PTH2R: variants seen among roughly 807,000 people sequenced by gnomAD.
PTH2R encodes PTH2 receptor.
In PTH2R, 59 loss-of-function variants were observed where a neutral mutation model predicts 60.3. That is an observed-to-expected ratio of 0.98 (90% CI 0.79 to 1.22). The LOEUF is 1.22. Among genes scored for constraint, PTH2R ranks in the 50% most tolerant of loss-of-function variants. The pLI is 0.00. For synonymous variants in PTH2R, 256 were observed against 243.8 expected, an observed-to-expected ratio of 1.05 and a Z score of -0.47; for missense variants, 749 against 682.6, an observed-to-expected ratio of 1.10 and a Z score of -1.08.
intron 7 of PTH2R, among the ~76,000 whole-genome samples, chr2:208,448,154 A>C (rs746765347): frequency 1.3e-5 from 2 of 152,330 alleles, no homozygotes; most frequent in African/African-American, 2.4e-5. Context: ...TTTGTAAAAT[A>C]TCTTAATCCA....
At chr2:208,480,271 A>G (rs74494202) in intron 9 of PTH2R, among the ~76,000 whole-genome samples, 2,837 of 152,292 alleles carry the variant, frequency 0.019, 97 homozygotes, top group African/African-American at 0.064. Context: ...ACAAGTGCCT[A>G]CTGTTGGCAA....
chr2:208,483,723 G>T (rs960328424), intron 10 of PTH2R, among the ~76,000 whole-genome samples: 8 of 152,168 alleles, frequency 5.3e-5, no homozygotes, highest in Admixed American at 3.3e-4. Flanking sequence ...ACTAATAGAA[G>T]TCAGAAAAAG....
intron 1 of PTH2R, among the ~76,000 whole-genome samples, chr2:208,362,626 T>G (rs1232288358): frequency 1.3e-5 from 2 of 152,364 alleles, no homozygotes; most frequent in African/African-American, 4.8e-5. Flanking sequence ...GTAATGCCGC[T>G]GTAACCATGG....
chr2:208,479,716 G>A (rs1026717385), intron 9 of PTH2R, among the ~76,000 whole-genome samples: 4 of 152,106 alleles, frequency 2.6e-5, no homozygotes, highest in Non-Finnish European at 5.9e-5. Context: ...CTGAACAGAA[G>A]GTATCAGATG....
At position 208,417,541 on chromosome 2, in the gene PTH2R, C is replaced by CT. The variant is rs56354728; in HGVS notation, c.75+10452dup. On this transcript the variant is annotated intron_variant, in intron 1 of 12. Transcript: ENST00000272847. ...AGAAGTACTGTTCAAAGGTGGGAAT[C>CT]TTTTTTTTTTTTTTTTTTTTTTTTT... Among the ~76,000 whole-genome samples the CT allele has an allele frequency of 5.9e-3, 515 of 87,874 alleles. 45 individuals carry two copies. The highest frequency in any genetic ancestry group is 8.9e-3 in the South Asian group (19 of 2,132). 57.6% of individuals were successfully genotyped at this position (87,874 alleles called of 152,430 possible). A position where few individuals can be genotyped will look rare whatever the true frequency, so the allele number is the denominator to read the frequency against.
At chr2:208,395,196 C>T (rs1482385487) in intron 1 of PTH2R, among the ~76,000 whole-genome samples, 13 of 152,068 alleles carry the variant, frequency 8.5e-5, no homozygotes, top group Middle Eastern at 3.4e-3. Flanking sequence ...TACATGCGCC[C>T]GCCACCATGC....
At chr2:208,372,047 G>T (rs1049310138) in intron 1 of PTH2R, among the ~76,000 whole-genome samples, 1 of 151,728 alleles carries the variant, frequency 6.6e-6, no homozygotes, top group Admixed American at 6.6e-5. Flanking sequence ...TCAGCCTCCC[G>T]AACAGCTGGG....
chr2:208,387,690 C>T (rs754849069), intron 1 of PTH2R, among the ~76,000 whole-genome samples: 17 of 152,178 alleles, frequency 1.1e-4, no homozygotes, highest in Non-Finnish European at 2.2e-4. Flanking sequence ...TTTTGCTTCT[C>T]TATTATACCA....
chr2:208,369,737 G>C (rs2125868981), intron 1 of PTH2R, among the ~76,000 whole-genome samples: 1 of 152,088 alleles, frequency 6.6e-6, no homozygotes, highest in East Asian at 1.9e-4. Context: ...TTGGATATCT[G>C]GTGCCTTCCC....
At chr2:208,393,076 C>T (rs1015800723) in intron 1 of PTH2R, among the ~76,000 whole-genome samples, 1 of 152,232 alleles carries the variant, frequency 6.6e-6, no homozygotes, top group Non-Finnish European at 1.5e-5. Flanking sequence ...CTGGACTTTA[C>T]AAGCTTGCAA....
intron 1 of PTH2R, among the ~76,000 whole-genome samples, chr2:208,367,469 G>A (rs1196060639): frequency 7.7e-6 from 1 of 129,838 alleles, no homozygotes; most frequent in East Asian, 2.3e-4. Flanking sequence ...CACCCAGGCT[G>A]AAGTGCAGTG....
chr2:208,439,043 T>A (rs1307012409), intron 4 of PTH2R, among the ~76,000 whole-genome samples: 1 of 152,146 alleles, frequency 6.6e-6, no homozygotes, highest in Non-Finnish European at 1.5e-5. Flanking sequence ...TCAGTCTCAT[T>A]GATAGAAACA....
At chr2:208,379,261 C>G (rs1353025564) in intron 1 of PTH2R, among the ~76,000 whole-genome samples, 2 of 152,082 alleles carry the variant, frequency 1.3e-5, no homozygotes, top group Non-Finnish European at 1.5e-5. Context: ...AGGTAATGTT[C>G]TTTGTTGAAA....
chr2:208,480,773 G>T (rs1010798836), intron 9 of PTH2R, among the ~76,000 whole-genome samples: 1 of 152,092 alleles, frequency 6.6e-6, no homozygotes, highest in Non-Finnish European at 1.5e-5. Context: ...ATTACCCTTT[G>T]TCCTGCCACT....
intron 2 of PTH2R, among the ~76,000 whole-genome samples, chr2:208,429,730 C>T (rs957589236): frequency 1.3e-5 from 2 of 152,084 alleles, no homozygotes; most frequent in Non-Finnish European, 2.9e-5. Flanking sequence ...CAGAAATTTT[C>T]CATCTAAATT....
upstream of PTH2R, among the ~76,000 whole-genome samples, chr2:208,405,655 CACTT>C (rs1701387926): frequency 1.3e-5 from 2 of 152,188 alleles, no homozygotes; most frequent in South Asian, 2.1e-4. Context: ...TTTGTTTACT[CACTT>C]AACTTTTCCA....
At chr2:208,404,852 G>A (rs979860030), upstream of PTH2R, among the ~76,000 whole-genome samples, 6 of 152,134 alleles carry the variant, frequency 3.9e-5, no homozygotes, top group Admixed American at 3.9e-4. Context: ...GAGCTTCAGA[G>A]GGCTAAGTTC....
At chr2:208,434,332 A>AT (rs1702031418) in intron 2 of PTH2R, among the ~76,000 whole-genome samples, 2 of 152,058 alleles carry the variant, frequency 1.3e-5, no homozygotes, top group Non-Finnish European at 2.9e-5. Flanking sequence ...TCTATGTGAG[A>AT]TTCATGGCTT....
intron 1 of PTH2R, among the ~76,000 whole-genome samples, chr2:208,393,243 G>T (rs1048910574): frequency 2.0e-5 from 3 of 152,098 alleles, no homozygotes; most frequent in Admixed American, 6.5e-5. Context: ...TTCTAATGTG[G>T]GGAGATGCCT....
Sources: gnomAD v4.1 joint callset for allele counts (sites outside exome capture counted in the v4.1 genomes callset) on GRCh38, gnomAD v4.1.1 for gene constraint, MANE v1.5 for transcripts, NCBI Gene and HGNC (gene_info 2026-07-23, HGNC 2026-07-21) for gene names.